Variants in OR10H3 observed in about 807,000 individuals in gnomAD.
OR10H3 encodes olfactory receptor 10H3.
Under a neutral mutation model 11.1 loss-of-function variants are expected in OR10H3, and 15 were observed. That is an observed-to-expected ratio of 1.36 (90% CI 0.91 to 2.09). The LOEUF is 2.09. OR10H3 is among the 30% of genes most tolerant of loss of function. The probability of loss-of-function intolerance (pLI) is 0.00; values close to 1 mark genes in which losing one functional copy is unlikely to be tolerated. For synonymous variants in OR10H3, 149 were observed against 142.1 expected (o/e 1.05, Z -0.35); for missense variants, 403 against 391.5 (o/e 1.03, Z -0.25).
rs749411924 is a variant in OR10H3, at chr19:15,741,547, T to C, written c.155T>C (p.Ile52Thr). The change falls in exon 2 of 2, where the codon ATT (isoleucine) becomes ACT (threonine). Residue 52 changes from isoleucine (I) to threonine (T), a missense_variant. By Grantham distance (89) the Ile-to-Thr change is moderately conservative. Coordinates refer to ENST00000641646, the MANE Select transcript of OR10H3 (RefSeq NM_013938.2). ...GNLLIMATVWIERRLHTPMYL... is the reference protein window; with the variant it reads ...GNLLIMATVWTERRLHTPMYL... ...CTTCTTATCATGGCCACAGTTTGGA[T>C]TGAACGCAGACTCCACACACCCATG... The C allele has an allele frequency of 6.2e-7, 1 of 1,614,196 alleles. No individual in the cohort carries two copies. The highest frequency in any genetic ancestry group is 1.1e-5 in the South Asian group (1 of 91,088).
chr19:15,742,096 G>T lies in OR10H3; in HGVS notation c.704G>T (p.Gly235Val), dbSNP rs749035532. 2 of 1,613,416 alleles carry T rather than the reference G, an allele frequency of 1.2e-6. No individual in the cohort carries two copies. The highest frequency in any genetic ancestry group is 2.2e-5 in the South Asian group (2 of 91,080). Residue 235 changes from glycine (G) to valine (V), a missense_variant, in exon 2 of 2, where the codon GGC becomes GTC. Gly to Val is a moderately radical substitution (Grantham distance 109). Transcript: ENST00000641646. ...AAILRIPSAE[G>V]RHKTFSTCVS... is the part of the protein sequence containing the mutation. ...ATCTTGAGGATTCCTTCTGCTGAGG[G>T]CCGGCACAAGACTTTCTCCACTTGT... is the stretch of plus-strand genomic sequence containing the variant.
intron 1 of OR10H3, among the ~76,000 whole-genome samples, chr19:15,740,122 G>A (rs977032004): frequency 6.6e-6 from 1 of 151,406 alleles, no homozygotes; most frequent in African/African-American, 2.4e-5. Flanking sequence ...TAATTAGACA[G>A]GTGAGGTGGC....
intron 1 of OR10H3, among the ~76,000 whole-genome samples, chr19:15,739,873 A>ATG (rs1312713642): frequency 1.3e-5 from 2 of 151,634 alleles, no homozygotes; most frequent in South Asian, 2.1e-4. Flanking sequence ...GTGTGTGTGC[A>ATG]TGTGTGTGTG....
At chr19:15,740,961 C>T (rs778858456) in intron 1 of OR10H3, among the ~76,000 whole-genome samples, 18 of 151,988 alleles carry the variant, frequency 1.2e-4, no homozygotes, top group South Asian at 6.2e-4. Context: ...TAAATGTAAA[C>T]GGGTTAAATA....
At chr19:15,738,538 C>T (rs1009760028) in intron 1 of OR10H3, among the ~76,000 whole-genome samples, 3 of 150,804 alleles carry the variant, frequency 2.0e-5, no homozygotes, top group Non-Finnish European at 4.4e-5. Context: ...GATTTCCTAA[C>T]TCTTTTCTAT....
Position 15,741,614 on chromosome 19 carries a change from C to T in OR10H3, c.222C>T (p.Phe74=), listed in dbSNP as rs376991877. 16 of 1,614,086 alleles carry T rather than the reference C, an allele frequency of 9.9e-6. No homozygotes were observed. Among genetic ancestry groups the T allele is most frequent in the Non-Finnish European group, 1.3e-5 (15 of 1,180,036 alleles). Residue 74 remains phenylalanine (F), a synonymous_variant, in exon 2 of 2, where the codon TTC becomes TTT. Transcript: ENST00000641646. ...CCCTCTCCATCTCTGAGATTCTGTT[C>T]ACTGTTGCCATCACCCCTCGCATGC... ...LCALSISEIL[F]TVAITPRMLA...
In OR10H3 at chr19:15,741,972, A is replaced by G; in HGVS notation, c.580A>G (p.Thr194Ala). Reference sequence around the variant, plus strand: ...CTTGAAGTTGGCCTGTGGGAGCAAGACATCATCTGTCATCATGGGTGTGAT... The same window carrying G: ...CTTGAAGTTGGCCTGTGGGAGCAAGGCATCATCTGTCATCATGGGTGTGAT... ...SLLKLACGSK[T>A]SSVIMGVMLV... Residue 194 changes from threonine (T) to alanine (A), a missense_variant, in exon 2 of 2, where the codon ACA becomes GCA. Physicochemically the swap from Thr to Ala is moderately conservative, Grantham distance 58 (BLOSUM62 0). Transcript: ENST00000641646. The G allele has an allele frequency of 6.2e-7, 1 of 1,614,114 alleles. No homozygotes were observed. The highest frequency in any genetic ancestry group is 8.5e-7 in the Non-Finnish European group (1 of 1,180,012).
In OR10H3 at chr19:15,742,247, C is replaced by A; in HGVS notation, c.855C>A (p.Pro285=). ...LMATTYTVFT[P]FLSPIIFSLR... ...CCACCACCTATACTGTCTTCACCCC[C>A]TTCCTCAGCCCAATCATTTTCAGTC... Residue 285 remains proline, a synonymous_variant, in exon 2 of 2, where the codon CCC becomes CCA. Coordinates refer to ENST00000641646, the MANE Select transcript of OR10H3 (RefSeq NM_013938.2). 6.2e-7 allele frequency: 1 copy of A among 1,614,122 alleles called. No individual in the cohort carries two copies. The highest frequency in any genetic ancestry group is 2.2e-5 in the East Asian group (1 of 44,886).
At chr19:15,739,245 T>C (rs2008671467) in intron 1 of OR10H3, among the ~76,000 whole-genome samples, 2 of 152,186 alleles carry the variant, frequency 1.3e-5, no homozygotes, top group Admixed American at 1.3e-4. Flanking sequence ...ATGTCCATTT[T>C]TGTAAAAGTC....
chr19:15,740,586 G>T (rs1600057656), intron 1 of OR10H3, among the ~76,000 whole-genome samples: 1 of 152,006 alleles, frequency 6.6e-6, no homozygotes, highest in South Asian at 2.1e-4. Flanking sequence ...TTGACTAGTG[G>T]GCATCTTTTC....
At position 15,741,392 on chromosome 19, in the gene OR10H3, C is replaced by T. The variant is rs376006517; in HGVS notation, c.-1C>T. On this transcript the variant is annotated 5_prime_UTR_variant, in exon 2 of 2. Transcript: ENST00000641646. ...TTCTGATCTCACCAGATACAGTATCCATGCCTGGTCAGAACTACAGAACCA... is the reference window on the plus strand; with the variant it reads ...TTCTGATCTCACCAGATACAGTATCTATGCCTGGTCAGAACTACAGAACCA... 4.5e-5 allele frequency: 72 copies of T among 1,596,968 alleles called. No individual in the cohort carries two copies. The highest frequency in any genetic ancestry group is 5.9e-5 in the Non-Finnish European group (69 of 1,164,772).
intron 1 of OR10H3, among the ~76,000 whole-genome samples, chr19:15,738,710 TC>T (rs2008666900): frequency 1.3e-5 from 2 of 152,232 alleles, no homozygotes; most frequent in Non-Finnish European, 2.9e-5. Flanking sequence ...GCATATAGCA[TC>T]CCCTTTTTTC....
intron 1 of OR10H3, among the ~76,000 whole-genome samples, chr19:15,738,940 T>C (rs1600056687): frequency 6.6e-6 from 1 of 152,082 alleles, no homozygotes; most frequent in East Asian, 1.9e-4. Flanking sequence ...TTATGCATGA[T>C]TTTTTTCTTG....
intron 1 of OR10H3, among the ~76,000 whole-genome samples, chr19:15,740,885 T>G (rs1306929278): frequency 6.6e-6 from 1 of 152,222 alleles, no homozygotes; most frequent in Non-Finnish European, 1.5e-5. Flanking sequence ...TCAGATTTAT[T>G]AGAATAGTAA....
In OR10H3 at chr19:15,741,907, C is replaced by T; in HGVS notation, c.515C>T (p.Ser172Phe). Residue 172 changes from serine to phenylalanine, a missense_variant, in exon 2 of 2, where the codon TCT (serine) becomes TTT (phenylalanine). Physicochemically the swap from Ser to Phe is radical, Grantham distance 155. Coordinates refer to ENST00000641646, the MANE Select transcript of OR10H3 (RefSeq NM_013938.2). ...MMVFHLTFCG[S>F]NVIHHFLCHV... The stretch of plus-strand genomic sequence containing the variant: ...GTTTTTCACCTCACTTTCTGTGGGT[C>T]TAATGTGATCCACCATTTTCTCTGT... 6.2e-7 allele frequency: 1 copy of T among 1,614,174 alleles called. No homozygotes were observed. The highest frequency in any genetic ancestry group is 8.5e-7 in the Non-Finnish European group (1 of 1,180,034).
Position 15,741,520 on chromosome 19 carries a change from A to G in OR10H3, c.128A>G (p.Asn43Ser), listed in dbSNP as rs201765621. 1 of 1,614,112 alleles carries G rather than the reference A, an allele frequency of 6.2e-7. No homozygotes were observed. The highest frequency in any genetic ancestry group is 8.5e-7 in the Non-Finnish European group (1 of 1,180,010). Residue 43 changes from asparagine to serine, a missense_variant, in exon 2 of 2, where the codon AAC becomes AGC. Asn to Ser is a conservative substitution (Grantham distance 46). Coordinates refer to ENST00000641646, the MANE Select transcript of OR10H3 (RefSeq NM_013938.2). ...ATGTTCCTGTTCACATTGCTTGGCA[A>G]CCTTCTTATCATGGCCACAGTTTGG... ...LLMFLFTLLGNLLIMATVWIE... is the reference protein window; with the variant it reads ...LLMFLFTLLGSLLIMATVWIE...
At position 15,742,260 on chromosome 19, in the gene OR10H3, A is replaced by G. The variant is rs139702419; in HGVS notation, c.868A>G (p.Ile290Val). The G allele has an allele frequency of 1.6e-5, 26 of 1,614,014 alleles. No individual in the cohort carries two copies. Among genetic ancestry groups the G allele is most frequent in the African/African-American group, 5.3e-5 (4 of 74,912 alleles). ...YTVFTPFLSP[I>V]IFSLRNKELK... Reference sequence around the variant, plus strand: ...TGTCTTCACCCCCTTCCTCAGCCCAATCATTTTCAGTCTAAGGAACAAGGA... The same window carrying G: ...TGTCTTCACCCCCTTCCTCAGCCCAGTCATTTTCAGTCTAAGGAACAAGGA... The change falls in exon 2 of 2, where the codon ATC becomes GTC. Residue 290 changes from isoleucine to valine, a missense_variant. Physicochemically the swap from Ile to Val is conservative, Grantham distance 29. Coordinates refer to ENST00000641646, the MANE Select transcript of OR10H3 (RefSeq NM_013938.2).
rs1190283640 is a variant in OR10H3 at position 15,742,184 on chromosome 19, C to T, written c.792C>T (p.Pro264=). The part of the protein sequence containing the change: ...YSFASLIYLK[P]KGLHSMYSDA... ...TTGCCTCCCTTATCTACCTCAAACC[C>T]AAGGGCCTCCATTCTATGTACAGTG... Residue 264 remains proline (P), a synonymous_variant, in exon 2 of 2, where the codon CCC becomes CCT. Transcript: ENST00000641646. 2 of 1,614,126 alleles carry T rather than the reference C, an allele frequency of 1.2e-6. No individual in the cohort carries two copies. The highest frequency in any genetic ancestry group is 1.7e-6 in the Non-Finnish European group (2 of 1,180,030).
rs147077761 is a variant in OR10H3, at chr19:15,741,890, C to T, written c.498C>T (p.His166=). 10 of 1,614,038 alleles carry T rather than the reference C, an allele frequency of 6.2e-6. No homozygotes were observed. The African/African-American group carries it at 8.0e-5, about 13-fold the overall frequency. Residue 166 remains histidine (H), a synonymous_variant, in exon 2 of 2, where the codon CAC becomes CAT. Transcript: ENST00000641646. Reference sequence around the variant, plus strand: ...TGATGGTGACAATGATGGTTTTTCACCTCACTTTCTGTGGGTCTAATGTGA... The same window carrying T: ...TGATGGTGACAATGATGGTTTTTCATCTCACTTTCTGTGGGTCTAATGTGA... ...MGMMVTMMVF[H]LTFCGSNVIH...
Sources: gnomAD v4.1 joint callset for allele counts (sites outside exome capture counted in the v4.1 genomes callset) on GRCh38, gnomAD v4.1.1 for gene constraint, MANE v1.5 for transcripts, NCBI Gene and HGNC (gene_info 2026-07-23, HGNC 2026-07-21) for gene names.